The following PTCD2 variants were observed in gnomAD, a reference collection of about 807,000 sequenced individuals.
The protein encoded by PTCD2 is pentatricopeptide repeat-containing protein 2, mitochondrial.
Under a neutral mutation model 42.6 loss-of-function variants are expected in PTCD2, and 31 were observed. The ratio of observed to expected loss-of-function variants is 0.73; its 90% CI spans 0.55 to 0.98. PTCD2 has a LOEUF of 0.98. Among genes scored for constraint, PTCD2 ranks in the 50% least tolerant of loss-of-function variants. PTCD2 has a pLI of 0.00. For synonymous variants in PTCD2, 183 were observed against 170.9 expected, an observed-to-expected ratio of 1.07 and a Z score of -0.55; for missense variants, 476 against 454.8, an observed-to-expected ratio of 1.05 and a Z score of -0.42.
At position 72,363,901 on chromosome 5, in the gene PTCD2, A is replaced by G. The variant is rs1052261356; in HGVS notation, c.*5474A>G. ...AATTTCCTTCATAACATTTCTACCT[A>G]TAAATTTGATTCAGAGAAATTACAC... On this transcript the variant is annotated 3_prime_UTR_variant, in exon 10 of 10. Transcript: ENST00000380639. 2 of 152,234 alleles carry G rather than the reference A, an allele frequency of 1.3e-5. No homozygotes were observed. Among genetic ancestry groups the G allele is most frequent in the Admixed American group, 1.3e-4 (2 of 15,290 alleles). 9.4% of individuals were successfully genotyped at this position (152,234 alleles called of 1,614,324 possible).
intron 3 of PTCD2, among the ~76,000 whole-genome samples, chr5:72,328,797 C>T (rs1751275971): frequency 6.6e-6 from 1 of 152,148 alleles, no homozygotes; most frequent in Non-Finnish European, 1.5e-5. Flanking sequence ...TTTTCATCAA[C>T]TATGCCCATA....
intron 9 of PTCD2, among the ~76,000 whole-genome samples, chr5:72,357,871 T>G (rs534978713): frequency 6.6e-6 from 1 of 151,788 alleles, no homozygotes; most frequent in East Asian, 1.9e-4. Context: ...TAAGACTCAC[T>G]CTGTCGCCAA....
At chr5:72,322,449 C>A (rs3749694) in intron 2 of PTCD2, among the ~76,000 whole-genome samples, 185 bp downstream of exon 2, 37,554 of 152,144 alleles carry the variant, frequency 0.25, 4,790 homozygotes, top group East Asian at 0.42. Context: ...GCTACAACGT[C>A]TACAGCTCTC....
At chr5:72,348,281 T>C (rs894253894) in intron 8 of PTCD2, among the ~76,000 whole-genome samples, 4 of 152,234 alleles carry the variant, frequency 2.6e-5, no homozygotes, top group African/African-American at 7.2e-5. Context: ...TTATTAATTA[T>C]TGAGAGATGG....
rs1160144355 is a variant in PTCD2, at chr5:72,366,846, C to G, written c.*8419C>G. On this transcript the variant is annotated 3_prime_UTR_variant, in exon 10 of 10. Coordinates refer to ENST00000380639, the MANE Select transcript of PTCD2 (RefSeq NM_024754.5). ...GTGTACACGTGAGCACACATGCACA[C>G]ACACATTAGATGTTTTGTGAGAAAA... The G allele has an allele frequency of 6.6e-6, 1 of 152,214 alleles. No individual in the cohort carries two copies. Among genetic ancestry groups the G allele is most frequent in the Non-Finnish European group, 1.5e-5 (1 of 68,038 alleles). 9.4% of individuals were successfully genotyped at this position (152,214 alleles called of 1,614,324 possible).
chr5:72,338,601 A>G (rs1329743414), intron 6 of PTCD2, 21 bp from the exon 7 acceptor site: 1 of 1,298,234 alleles, frequency 7.7e-7, no homozygotes, highest in Admixed American at 1.9e-5. Flanking sequence ...ACATTAATCG[A>G]ACAATCCTGT....
chr5:72,360,447 C>T lies in PTCD2; in HGVS notation c.*2020C>T, dbSNP rs746528368. The T allele has an allele frequency of 2.6e-5, 4 of 152,196 alleles. No homozygotes were observed. Among genetic ancestry groups the T allele is most frequent in the Non-Finnish European group, 5.9e-5 (4 of 68,044 alleles). 9.4% of individuals were successfully genotyped at this position (152,196 alleles called of 1,614,324 possible). ...TTCCCAATCCCTGCTGCCCAGCCGA[C>T]TGGAAAAACTGGTCCATTCCACCTG... On this transcript the variant is annotated 3_prime_UTR_variant, in exon 10 of 10. Transcript: ENST00000380639.
At chr5:72,329,647 G>A (rs896042416) in intron 3 of PTCD2, among the ~76,000 whole-genome samples, 2 of 151,676 alleles carry the variant, frequency 1.3e-5, no homozygotes, top group Non-Finnish European at 2.9e-5. Flanking sequence ...CATGCCTTAC[G>A]TTTTATAAAG....
At chr5:72,326,009 T>C (rs1479432245) in intron 2 of PTCD2, among the ~76,000 whole-genome samples, 2 of 152,174 alleles carry the variant, frequency 1.3e-5, no homozygotes, top group East Asian at 1.9e-4. Context: ...TGGAGGACTG[T>C]TTTCCCCCCT....
At position 72,335,687 on chromosome 5, in the gene PTCD2, A is replaced by G. The variant is rs2112163738; in HGVS notation, c.548-107A>G. On this transcript the variant is annotated intron_variant, in intron 5 of 9. Coordinates refer to ENST00000380639, the MANE Select transcript of PTCD2 (RefSeq NM_024754.5). ...TAAATGACTTTGAGGAATAGCTTTT[A>G]TTTTGTTGAAATACACTTTTCTGTA... 7.0e-6 allele frequency: 4 copies of G among 574,860 alleles called. No homozygotes were observed. In the South Asian group the frequency reaches 9.0e-5, roughly 13 times the overall value. 35.6% of individuals were successfully genotyped at this position (574,860 alleles called of 1,614,324 possible).
Position 72,358,354 on chromosome 5 carries a change from C to G in PTCD2, c.1094C>G (p.Thr365Arg), listed in dbSNP as rs1392402504. The change falls in exon 10 of 10, where the codon ACG (threonine) becomes AGG (arginine). Residue 365 changes from threonine (T) to arginine (R), a missense_variant. By Grantham distance (71) the Thr-to-Arg change is moderately conservative. Transcript: ENST00000380639. Reference protein sequence around the residue: ...CHTPRDRKSHTLLLNKRMVSR... With the variant: ...CHTPRDRKSHRLLLNKRMVSR... Reference sequence around the variant, plus strand: ...ACCCCCAGGGACAGGAAATCTCACACGTTGCTATTAAACAAGAGGATGGTC... The same window carrying G: ...ACCCCCAGGGACAGGAAATCTCACAGGTTGCTATTAAACAAGAGGATGGTC... 5 of 1,614,040 alleles carry G rather than the reference C, an allele frequency of 3.1e-6. No homozygotes were observed. The highest frequency in any genetic ancestry group is 1.7e-4 in the Middle Eastern group (1 of 6,058).
intron 8 of PTCD2, among the ~76,000 whole-genome samples, chr5:72,348,609 T>G (rs1040020580): frequency 2.0e-5 from 3 of 152,220 alleles, no homozygotes; most frequent in Middle Eastern, 3.2e-3. Context: ...CTTCTCAATC[T>G]CAAACATAGA....
chr5:72,333,568 T>C (rs1369500986), intron 4 of PTCD2, among the ~76,000 whole-genome samples: 1 of 152,166 alleles, frequency 6.6e-6, no homozygotes, highest in Non-Finnish European at 1.5e-5. Flanking sequence ...TAATGACACA[T>C]TTGAATACCA....
chr5:72,329,390 C>T (rs1189055885), intron 3 of PTCD2, among the ~76,000 whole-genome samples: 1 of 152,160 alleles, frequency 6.6e-6, no homozygotes, highest in Non-Finnish European at 1.5e-5. Flanking sequence ...ATCTTAATAC[C>T]CTCGTTATGT....
At chr5:72,322,030 G>T in intron 1 of PTCD2, 142 bp from the exon 2 acceptor site, 1 of 516,622 alleles carries the variant, frequency 1.9e-6, no homozygotes, top group Non-Finnish European at 3.5e-6. Flanking sequence ...ATTTATATTT[G>T]TACAGTTTGT....
Position 72,326,850 on chromosome 5 carries a change from TC to T in PTCD2, c.350+111del, listed in dbSNP as rs1751166914. ...TGTTGCCACCTCTATACTAGTGACT[TC>T]CAGATCTCTTGTTCGGATGCCTACC... On this transcript the variant is annotated intron_variant, in intron 3 of 9. Transcript: ENST00000380639. 8.4e-6 allele frequency: 9 copies of T among 1,077,558 alleles called. No individual in the cohort carries two copies. The South Asian group carries it at 1.1e-4, about 13-fold the overall frequency. 66.7% of individuals were successfully genotyped at this position (1,077,558 alleles called of 1,614,324 possible).
At chr5:72,324,482 T>C (rs1751034355) in intron 2 of PTCD2, among the ~76,000 whole-genome samples, 1 of 152,228 alleles carries the variant, frequency 6.6e-6, no homozygotes, top group South Asian at 2.1e-4. Flanking sequence ...TTCTGTTCTG[T>C]TGCTCATGCT....
chr5:72,346,297 C>G (rs573954683), intron 8 of PTCD2, among the ~76,000 whole-genome samples: 1 of 152,212 alleles, frequency 6.6e-6, no homozygotes, highest in African/African-American at 2.4e-5. Context: ...CTATATACAC[C>G]TGGTAATGGA....
In PTCD2 at chr5:72,367,950, T is replaced by C. The variant is rs1348542938; in HGVS notation, c.*9523T>C. On this transcript the variant is annotated 3_prime_UTR_variant, in exon 10 of 10. Coordinates refer to ENST00000380639, the MANE Select transcript of PTCD2 (RefSeq NM_024754.5). ...GAGTGGCTCTGGGCTCCTATACCCC[T>C]TTCATTCCACAGCCTGTGATACACC... is the stretch of plus-strand genomic sequence containing the variant. 2 of 152,206 alleles carry C rather than the reference T, an allele frequency of 1.3e-5. No individual in the cohort carries two copies. Among genetic ancestry groups the C allele is most frequent in the East Asian group, 3.8e-4 (2 of 5,206 alleles). 9.4% of individuals were successfully genotyped at this position (152,206 alleles called of 1,614,324 possible). A position where few individuals can be genotyped will look rare whatever the true frequency, so the allele number is the denominator to read the frequency against.
Sources: allele counts gnomAD v4.1 joint callset (sites outside exome capture counted in the v4.1 genomes callset), GRCh38; gene constraint gnomAD v4.1.1; transcripts MANE v1.5; gene names NCBI Gene and HGNC (gene_info 2026-07-23, HGNC 2026-07-21).